The following PRKN variants were observed in gnomAD, a reference collection of about 807,000 sequenced individuals.
PRKN encodes parkin RBR E3 ubiquitin protein ligase, also known as E3 ubiquitin-protein ligase parkin.
PRKN carries 56 observed loss-of-function variants against 59.5 expected under a neutral mutation model. The ratio of observed to expected loss-of-function variants is 0.94; its 90% CI spans 0.76 to 1.18. PRKN has a LOEUF of 1.18. Ranked by LOEUF, PRKN falls within the 50% of genes most tolerant of loss-of-function variation. The pLI is 0.00. For missense variants in PRKN, 657 were observed against 596.4 expected (o/e 1.10, Z -1.06); for synonymous variants, 250 against 222.1 (o/e 1.13, Z -1.12).
At chr6:162,358,545 T>A in intron 2 of PRKN, among the ~76,000 whole-genome samples, 1 of 152,196 alleles carries the variant, frequency 6.6e-6, no homozygotes, top group East Asian at 1.9e-4. Context: ...AAAGAACTTA[T>A]TTTTGGTTTC....
At chr6:161,668,389 A>G (rs1784796554) in intron 7 of PRKN, among the ~76,000 whole-genome samples, 1 of 152,220 alleles carries the variant, frequency 6.6e-6, no homozygotes, top group South Asian at 2.1e-4. Flanking sequence ...CTTAAATACA[A>G]TGCAAAATTT....
At chr6:161,662,873 C>T (rs1582966887) in intron 7 of PRKN, among the ~76,000 whole-genome samples, 1 of 152,032 alleles carries the variant, frequency 6.6e-6, no homozygotes, top group Admixed American at 6.6e-5. Context: ...TGGGATAAAT[C>T]GAGGATATTG....
chr6:162,222,172 A>T (rs1049884364), intron 3 of PRKN, among the ~76,000 whole-genome samples: 1 of 152,154 alleles, frequency 6.6e-6, no homozygotes, highest in East Asian at 1.9e-4. Flanking sequence ...CTATGTAAGT[A>T]ACCCTCTCGC....
chr6:162,308,012 C>G (rs1163234561), intron 2 of PRKN, among the ~76,000 whole-genome samples: 1 of 152,178 alleles, frequency 6.6e-6, no homozygotes, highest in African/African-American at 2.4e-5. Flanking sequence ...GCAAACTCCC[C>G]TCTCCTGGCC....
At chr6:162,603,598 T>C (rs1781793951) in intron 1 of PRKN, among the ~76,000 whole-genome samples, 1 of 152,220 alleles carries the variant, frequency 6.6e-6, no homozygotes, top group South Asian at 2.1e-4. Context: ...TAAGCGATGC[T>C]GAAAAATAAC....
chr6:161,724,336 G>A (rs1412760661), intron 7 of PRKN, among the ~76,000 whole-genome samples: 1 of 152,180 alleles, frequency 6.6e-6, no homozygotes, highest in Non-Finnish European at 1.5e-5. Flanking sequence ...ATGCAGAAAA[G>A]CTTATGTATG....
intron 6 of PRKN, among the ~76,000 whole-genome samples, chr6:161,948,522 A>T (rs1213984409): frequency 6.6e-6 from 1 of 152,202 alleles, no homozygotes; most frequent in Non-Finnish European, 1.5e-5. Flanking sequence ...ACATTGCATT[A>T]TGACACATGA....
At chr6:162,214,451 G>C (rs577020669) in intron 3 of PRKN, among the ~76,000 whole-genome samples, 1 of 152,048 alleles carries the variant, frequency 6.6e-6, no homozygotes, top group Non-Finnish European at 1.5e-5. Flanking sequence ...GCACATGAAA[G>C]GTGGTTCCTG....
At chr6:161,365,732 C>T (rs1785171916) in intron 10 of PRKN, among the ~76,000 whole-genome samples, 1 of 152,166 alleles carries the variant, frequency 6.6e-6, no homozygotes, top group Non-Finnish European at 1.5e-5. Context: ...AGGATTTCCC[C>T]AAACGGCTCT....
intron 1 of PRKN, among the ~76,000 whole-genome samples, chr6:162,458,875 T>G (rs1791031463): frequency 6.6e-6 from 1 of 152,152 alleles, no homozygotes. Context: ...GGAGTATAGT[T>G]GCATGACATC....
chr6:162,641,977 C>A (rs1448163547), intron 1 of PRKN, among the ~76,000 whole-genome samples: 1 of 152,198 alleles, frequency 6.6e-6, no homozygotes, highest in African/African-American at 2.4e-5. Context: ...ACTCATTATT[C>A]TCTTCATATG....
In PRKN at chr6:161,363,546, G is replaced by A. The variant is rs1785067334; in HGVS notation, c.1168-3341C>T. ...AATATGAAAAGGAGATTAAGAGATG[G>A]GGGGATAAGGTGAGAAGGTCCAGTG... On this transcript the variant is annotated intron_variant, in intron 10 of 11. Transcript: ENST00000366898. This position sits in a 1 kb window ranked among gnomAD's most constrained non-coding sequence, Gnocchi z 4.1. Among the ~76,000 whole-genome samples, 1 of 152,120 alleles carries A rather than the reference G, an allele frequency of 6.6e-6. No individual in the cohort carries two copies. Among genetic ancestry groups the A allele is most frequent in the African/African-American group, 2.4e-5 (1 of 41,412 alleles).
chr6:161,735,173 G>A (rs1427458822), intron 7 of PRKN, among the ~76,000 whole-genome samples: 2 of 150,756 alleles, frequency 1.3e-5, no homozygotes, highest in African/African-American at 2.4e-5. Context: ...CATGGTGAAG[G>A]GTACAGTTGA....
At chr6:161,492,704 CT>C (rs1273312839) in intron 9 of PRKN, among the ~76,000 whole-genome samples, 1 of 152,216 alleles carries the variant, frequency 6.6e-6, no homozygotes, top group African/African-American at 2.4e-5. Flanking sequence ...ATTATACATG[CT>C]TCTTGCTAGC....
chr6:162,237,814 G>A (rs1778805447), intron 3 of PRKN, among the ~76,000 whole-genome samples: 1 of 151,976 alleles, frequency 6.6e-6, no homozygotes, highest in African/African-American at 2.4e-5. Context: ...AGTGAGGTAG[G>A]AGGGTGCATT....
intron 2 of PRKN, among the ~76,000 whole-genome samples, chr6:162,427,867 A>T (rs1789317482): frequency 6.6e-6 from 1 of 152,132 alleles, no homozygotes; most frequent in South Asian, 2.1e-4. Context: ...TTTAAAGTAT[A>T]AAAACATAGT....
chr6:162,510,351 G>A (rs1334487783), intron 1 of PRKN, among the ~76,000 whole-genome samples: 1 of 151,856 alleles, frequency 6.6e-6, no homozygotes, highest in Non-Finnish European at 1.5e-5. Context: ...TCAGAATTTG[G>A]AATGCATTTT....
intron 4 of PRKN, among the ~76,000 whole-genome samples, chr6:162,082,117 A>T (rs1026183449): frequency 6.6e-6 from 1 of 152,030 alleles, no homozygotes; most frequent in Non-Finnish European, 1.5e-5. Context: ...ACAATTTCCA[A>T]GTGTTGTGGG....
chr6:162,350,282 A>T (rs1784570389), intron 2 of PRKN, among the ~76,000 whole-genome samples: 1 of 152,162 alleles, frequency 6.6e-6, no homozygotes, highest in South Asian at 2.1e-4. Flanking sequence ...CTCCAAATTC[A>T]TCTATAGATT....
Sources: allele counts gnomAD v4.1 joint callset (sites outside exome capture counted in the v4.1 genomes callset), GRCh38; gene constraint gnomAD v4.1.1; non-coding constraint Gnocchi (gnomAD v3.1); transcripts MANE v1.5; gene names NCBI Gene and HGNC (gene_info 2026-07-23, HGNC 2026-07-21).